Variants in ABL1 observed in about 807,000 individuals in gnomAD.
The protein encoded by ABL1 is ABL proto-oncogene 1, non-receptor tyrosine kinase.
In ABL1, 11 loss-of-function variants were observed where a neutral mutation model predicts 94.7. The observed-to-expected ratio is 0.12, with a 90% CI of 0.07 to 0.19. The LOEUF (loss-of-function observed/expected upper bound fraction) is 0.19. ABL1 is among the 10% of genes least tolerant of loss of function. The pLI, the probability that ABL1 is intolerant of heterozygous loss-of-function variation, is 1.00. For missense variants in ABL1, 1,082 were observed against 1,489.4 expected (o/e 0.73, Z 4.50); for synonymous variants, 656 against 622.4 (o/e 1.05, Z -0.80).
chr9:130,723,960 C>T (rs1405961995), intron 1 of ABL1, among the ~76,000 whole-genome samples: 1 of 151,968 alleles, frequency 6.6e-6, no homozygotes, highest in African/African-American at 2.4e-5. Context: ...TACAGGCGCC[C>T]GCCACCACAC....
rs11418318 is a variant in ABL1, at chr9:130,853,170, C to CTTTTTTTTT, written c.80-879_80-871dup. Among the ~76,000 whole-genome samples, 28 of 75,338 alleles carry CTTTTTTTTT rather than the reference C, an allele frequency of 3.7e-4. 1 individual carries two copies. Among genetic ancestry groups the CTTTTTTTTT allele is most frequent in the African/African-American group, 1.2e-3 (22 of 18,454 alleles). 49.4% of individuals were successfully genotyped at this position (75,338 alleles called of 152,430 possible). ...AGCCCTTCTGTACGATTTGACTTTT[C>CTTTTTTTTT]TTTTTTTTTTTTTTTTTTTTTTTGA... On this transcript the variant is annotated intron_variant, in intron 1 of 10. Coordinates refer to ENST00000318560, the MANE Select transcript of ABL1 (RefSeq NM_005157.6).
intron 1 of ABL1, among the ~76,000 whole-genome samples, chr9:130,785,787 G>C (rs919580139): frequency 6.6e-6 from 1 of 151,864 alleles, no homozygotes; most frequent in African/African-American, 2.4e-5. Context: ...GCTGGGCATG[G>C]TGGTGCATGC....
intron 1 of ABL1, among the ~76,000 whole-genome samples, chr9:130,798,023 A>T (rs1830003533): frequency 6.6e-6 from 1 of 152,216 alleles, no homozygotes; most frequent in African/African-American, 2.4e-5. Flanking sequence ...AGCTTCCAGA[A>T]GAAATAGTAG....
rs982424554 is a variant in ABL1, at chr9:130,858,714, G to A, written c.549+3618G>A. On this transcript the variant is annotated intron_variant, in intron 3 of 10. Transcript: ENST00000318560. Reference sequence around the variant, plus strand: ...GATGCAATCCTTTTTGGATTTCTAAGGGGAAATTTTAAGACCGATAGGAGG... The same window carrying A: ...GATGCAATCCTTTTTGGATTTCTAAAGGGAAATTTTAAGACCGATAGGAGG... Among the ~76,000 whole-genome samples, 10 of 152,284 alleles carry A rather than the reference G, an allele frequency of 6.6e-5. No individual in the cohort carries two copies. The South Asian group carries it at 2.1e-3, about 32-fold the overall frequency.
intron 1 of ABL1, among the ~76,000 whole-genome samples, chr9:130,725,625 C>T: frequency 6.6e-6 from 1 of 152,094 alleles, no homozygotes; most frequent in East Asian, 1.9e-4. Context: ...GGTGATCCGC[C>T]TGCCTAGGCC....
rs2133037986 is a variant in ABL1, at chr9:130,884,908, C to G, written c.2618C>G (p.Ser873Cys). ...ACCAGCAAGGGCCCCGCCGAGGAGT[C>G]CAGAGTGAGGAGGCACAAGCACTCC... ...GGTSKGPAEE[S>C]RVRRHKHSSE... Residue 873 changes from serine to cysteine, a missense_variant, in exon 11 of 11, where the codon TCC (serine) becomes TGC (cysteine). Ser to Cys is a moderately radical substitution (Grantham distance 112, BLOSUM62 -1). Coordinates refer to ENST00000318560, the MANE Select transcript of ABL1 (RefSeq NM_005157.6). The surrounding 1 kb of genome is among the most constrained non-coding windows in gnomAD (Gnocchi z 5.6). The G allele has an allele frequency of 6.2e-7, 1 of 1,611,212 alleles. No homozygotes were observed. The highest frequency in any genetic ancestry group is 1.3e-5 in the African/African-American group (1 of 75,028).
Position 130,885,973 on chromosome 9 carries a change from C to T in ABL1, c.*290C>T, listed in dbSNP as rs565114090. 6.5e-4 allele frequency: 290 copies of T among 443,220 alleles called. 1 individual carries two copies. Among genetic ancestry groups the T allele is most frequent in the Middle Eastern group, 1.2e-3 (2 of 1,632 alleles). 27.5% of individuals were successfully genotyped at this position (443,220 alleles called of 1,614,324 possible). ...GGCATGCCAGGACCCGCCAGCCCCG[C>T]TCCCACCTAGTGCCCCAGACTGAGC... On this transcript the variant is annotated 3_prime_UTR_variant, in exon 11 of 11. Coordinates refer to ENST00000318560, the MANE Select transcript of ABL1 (RefSeq NM_005157.6).
At chr9:130,870,788 C>A (rs1199019819) in intron 4 of ABL1, among the ~76,000 whole-genome samples, 2 of 152,160 alleles carry the variant, frequency 1.3e-5, no homozygotes, top group East Asian at 3.9e-4. Flanking sequence ...AAATTGTTTC[C>A]AAGTTTCAGC....
At chr9:130,853,960 T>C in intron 1 of ABL1, 104 bp from the exon 2 acceptor site, 1 of 1,202,106 alleles carries the variant, frequency 8.3e-7, no homozygotes, top group Non-Finnish European at 1.2e-6. Flanking sequence ...TAGGAATGTG[T>C]AATGTTGGAA....
chr9:130,818,754 C>G (rs1349111288), intron 1 of ABL1, among the ~76,000 whole-genome samples: 1 of 152,168 alleles, frequency 6.6e-6, no homozygotes, highest in East Asian at 1.9e-4. Context: ...ATTAAATTGC[C>G]CTTTCACCTT....
In ABL1 at chr9:130,814,644, G is replaced by A. The variant is rs1470582327; in HGVS notation, c.137-39420G>A. ...TGTAATCCCAGCACTTTGGTAGGCC[G>A]AGGTGGGCGGATCACGAGGTCAGGA... On this transcript the variant is annotated intron_variant, in intron 1 of 10. Transcript: ENST00000372348. This position sits in a 1 kb window ranked among gnomAD's most constrained non-coding sequence, Gnocchi z 4.4. 2.0e-5 allele frequency among the ~76,000 whole-genome samples: 3 copies of A among 152,184 alleles called. No homozygotes were observed. Among genetic ancestry groups the A allele is most frequent in the East Asian group, 1.9e-4 (1 of 5,190 alleles).
intron 1 of ABL1, among the ~76,000 whole-genome samples, chr9:130,730,046 CTTT>C: frequency 1.9e-5 from 2 of 107,176 alleles, no homozygotes; most frequent in South Asian, 3.0e-4. Context: ...CCCAGCCAGA[CTTT>C]TTTTTTTTTT....
At chr9:130,739,512 A>G (rs186039902) in intron 1 of ABL1, among the ~76,000 whole-genome samples, 199 of 152,296 alleles carry the variant, frequency 1.3e-3, no homozygotes, top group African/African-American at 4.5e-3. Flanking sequence ...TATTCAATCA[A>G]GGAAAATTGA....
chr9:130,884,763 G>A lies in ABL1; in HGVS notation c.2473G>A (p.Ala825Thr). The change falls in exon 11 of 11, where the codon GCC becomes ACC. Residue 825 changes from alanine to threonine, a missense_variant. This residue lies in a region of ABL1 where 780 missense variants were observed against 835.8 expected (regional missense o/e 0.93). Transcript: ENST00000318560. This position sits in a 1 kb window ranked among gnomAD's most constrained non-coding sequence, Gnocchi z 5.6. ...PKPLRRQVTV[A>T]PASGLPHKEE... is the part of the protein sequence containing the mutation. Reference sequence around the variant, plus strand: ...ACCCCTCCGGCGGCAGGTCACCGTGGCCCCTGCCTCGGGCCTCCCCCACAA... The same window carrying A: ...ACCCCTCCGGCGGCAGGTCACCGTGACCCCTGCCTCGGGCCTCCCCCACAA... 1.9e-6 allele frequency: 3 copies of A among 1,612,078 alleles called. No homozygotes were observed. Among genetic ancestry groups the A allele is most frequent in the Non-Finnish European group, 2.5e-6 (3 of 1,179,546 alleles).
intron 3 of ABL1, among the ~76,000 whole-genome samples, chr9:130,858,756 A>G (rs1831015468): frequency 6.6e-6 from 1 of 152,208 alleles, no homozygotes; most frequent in Non-Finnish European, 1.5e-5. Context: ...CTGGGGTTGA[A>G]TAAGTTTGGT....
chr9:130,849,581 C>T (rs576624849), intron 1 of ABL1, among the ~76,000 whole-genome samples: 59 of 152,248 alleles, frequency 3.9e-4, no homozygotes, highest in Middle Eastern at 3.4e-3. Flanking sequence ...TGCAGTGCCG[C>T]GACCTTGGCT....
chr9:130,726,260 A>G (rs1831584767), intron 1 of ABL1, among the ~76,000 whole-genome samples: 2 of 145,252 alleles, frequency 1.4e-5, no homozygotes, highest in Middle Eastern at 3.5e-3. Context: ...GCATTCCACT[A>G]TCTTGCTTAA....
Position 130,887,335 on chromosome 9 carries a change from G to T in ABL1, c.*1652G>T. The T allele has an allele frequency of 4.3e-6, 1 of 233,330 alleles. No homozygotes were observed. Among genetic ancestry groups the T allele is most frequent in the Non-Finnish European group, 8.5e-6 (1 of 118,044 alleles). 14.5% of individuals were successfully genotyped at this position (233,330 alleles called of 1,614,324 possible). On this transcript the variant is annotated 3_prime_UTR_variant, in exon 11 of 11. Transcript: ENST00000318560. ...CCCGACGGCTGTGACGCAGCCGGAG[G>T]GAGGCACTAGTCACCGACAGCGGCC...
chr9:130,740,957 T>C (rs926963303), intron 1 of ABL1, among the ~76,000 whole-genome samples: 1 of 151,680 alleles, frequency 6.6e-6, no homozygotes, highest in Admixed American at 6.6e-5. Context: ...CCTTCACTTA[T>C]CACTGTGAGG....
Sources: allele counts gnomAD v4.1 joint callset (sites outside exome capture counted in the v4.1 genomes callset), GRCh38; gene constraint gnomAD v4.1.1; regional missense constraint gnomAD v4.1.1; non-coding constraint Gnocchi (gnomAD v3.1); transcripts MANE v1.5; gene names NCBI Gene and HGNC (gene_info 2026-07-23, HGNC 2026-07-21).